NPLOC4: variants seen among roughly 807,000 people sequenced by gnomAD.
The protein encoded by NPLOC4 is NPL4 homolog, ubiquitin recognition factor, also known as nuclear protein localization protein 4 homolog.
In NPLOC4, 18 loss-of-function variants were observed where a neutral mutation model predicts 80.6. The ratio of observed to expected loss-of-function variants is 0.22; its 90% CI spans 0.15 to 0.33. NPLOC4 has a LOEUF of 0.33. Among genes scored for constraint, NPLOC4 ranks in the 10% least tolerant of loss-of-function variants. The probability of loss-of-function intolerance (pLI) is 1.00; values close to 1 mark genes in which losing one functional copy is unlikely to be tolerated. For synonymous variants in NPLOC4, 313 were observed against 301.5 expected, an observed-to-expected ratio of 1.04 and a Z score of -0.39; for missense variants, 540 against 786.1, an observed-to-expected ratio of 0.69 and a Z score of 3.74.
chr17:81,613,359 G>C lies in NPLOC4; in HGVS notation c.345C>G (p.Ser115Arg). The part of the protein sequence containing the change: ...VVEDEIDQYL[S>R]KQDGKIYRSR... Reference sequence around the variant, plus strand: ...TTCTGTAAATCTTCCCGTCCTGTTTGCTGAGGTACTGATCAATCTCATCCT... The same window carrying C: ...TTCTGTAAATCTTCCCGTCCTGTTTCCTGAGGTACTGATCAATCTCATCCT... Residue 115 changes from serine to arginine, a missense_variant, in exon 4 of 17, where the codon AGC (serine) becomes AGG (arginine). By Grantham distance (110) the Ser-to-Arg change is moderately radical (BLOSUM62 -1). Around this residue, in one of 6 missense-constraint regions of NPLOC4, gnomAD observed 74 missense variants for 75.7 expected, o/e 0.98. Coordinates refer to ENST00000331134, the MANE Select transcript of NPLOC4 (RefSeq NM_017921.4). The C allele has an allele frequency of 6.2e-7, 1 of 1,613,934 alleles. No homozygotes were observed. The highest frequency in any genetic ancestry group is 8.5e-7 in the Non-Finnish European group (1 of 1,179,878).
At chr17:81,603,181 G>T (rs1245501823) in intron 8 of NPLOC4, among the ~76,000 whole-genome samples, 1 of 151,882 alleles carries the variant, frequency 6.6e-6, no homozygotes, top group Non-Finnish European at 1.5e-5. Context: ...GTCTCAAAAA[G>T]AAAAAGGTTT....
At chr17:81,636,894 C>T (rs1415515711) in intron 1 of NPLOC4, 22 bp downstream of exon 1, 2 of 1,409,540 alleles carry the variant, frequency 1.4e-6, no homozygotes, top group Non-Finnish European at 9.3e-7. Flanking sequence ...CGTCCCCGCT[C>T]CCGCCCGGCC....
Position 81,559,164 on chromosome 17 carries a change from A to C in NPLOC4, c.*95T>G. 1 of 1,363,706 alleles carries C rather than the reference A, an allele frequency of 7.3e-7. No homozygotes were observed. The highest frequency in any genetic ancestry group is 9.8e-7 in the Non-Finnish European group (1 of 1,019,642). 84.5% of individuals were successfully genotyped at this position (1,363,706 alleles called of 1,614,324 possible). ...GCCCCTTGTTCCTCCAGGGCTGCCC[A>C]CTATGGGGCAGTTACAGGGAACACA... On this transcript the variant is annotated 3_prime_UTR_variant, in exon 17 of 17. Transcript: ENST00000331134.
chr17:81,587,988 A>G (rs1236173882), intron 12 of NPLOC4: 5 of 152,044 alleles, frequency 3.3e-5, no homozygotes, highest in African/African-American at 9.7e-5. Context: ...AAAAGTTAAT[A>G]TAACTGTATC....
intron 16 of NPLOC4, chr17:81,564,335 C>A (rs1689712068): frequency 6.4e-6 from 1 of 156,084 alleles, no homozygotes; most frequent in Non-Finnish European, 1.4e-5. Context: ...GTGTTGCAAG[C>A]CTGTGGTCCC....
chr17:81,598,223 C>T (rs1377080314), intron 9 of NPLOC4, among the ~76,000 whole-genome samples: 1 of 152,054 alleles, frequency 6.6e-6, no homozygotes, highest in Non-Finnish European at 1.5e-5. Context: ...ACAGGTTCCT[C>T]AAGTAAGATG....
At chr17:81,623,293 A>C (rs1439405465) in intron 2 of NPLOC4, among the ~76,000 whole-genome samples, 2 of 145,462 alleles carry the variant, frequency 1.4e-5, no homozygotes, top group Non-Finnish European at 3.0e-5. Context: ...AACATAGTGA[A>C]ACCGTCTCTA....
chr17:81,586,713 G>C (rs1054201606), intron 12 of NPLOC4, among the ~76,000 whole-genome samples: 1 of 152,118 alleles, frequency 6.6e-6, no homozygotes, highest in East Asian at 1.9e-4. Flanking sequence ...TGGACAGACT[G>C]TATCTCCCAG....
At chr17:81,595,544 T>C (rs1341280295) in intron 11 of NPLOC4, among the ~76,000 whole-genome samples, 1 of 144,940 alleles carries the variant, frequency 6.9e-6, no homozygotes, top group Non-Finnish European at 1.5e-5. Flanking sequence ...ATTTTTTTTT[T>C]CTTTTCTTTT....
intron 2 of NPLOC4, among the ~76,000 whole-genome samples, chr17:81,624,022 T>C (rs1284209200): frequency 1.3e-5 from 2 of 151,852 alleles, no homozygotes; most frequent in Non-Finnish European, 2.9e-5. Flanking sequence ...TGGTGGCTCA[T>C]GTCTGCAATC....
At chr17:81,566,181 A>G (rs940090966) in intron 15 of NPLOC4, among the ~76,000 whole-genome samples, 3 of 152,094 alleles carry the variant, frequency 2.0e-5, no homozygotes. Context: ...AAAATACAAC[A>G]ATTAGACAGG....
chr17:81,613,291 G>A, intron 4 of NPLOC4, 27 bp downstream of exon 4: 6 of 1,596,216 alleles, frequency 3.8e-6, no homozygotes, highest in Non-Finnish European at 5.1e-6. Context: ...CCACAAGTAG[G>A]ACCCTGGAAT....
At position 81,569,098 on chromosome 17, in the gene NPLOC4, A is replaced by G; in HGVS notation, c.1367T>C (p.Phe456Ser). 6.2e-7 allele frequency: 1 copy of G among 1,611,582 alleles called. No homozygotes were observed. Among genetic ancestry groups the G allele is most frequent in the Non-Finnish European group, 8.5e-7 (1 of 1,177,782 alleles). ...AAAAGTGTAAACTGGATCCTTGGGG[A>G]AAGTTGTTGTGATCTAATGAAGAAA... ...EYLIIDITTT[F>S]PKDPVYTFSI... is the part of the protein sequence containing the mutation. Residue 456 changes from phenylalanine (F) to serine (S), a missense_variant, in exon 14 of 17, where the codon TTC becomes TCC. Transcript: ENST00000331134.
At chr17:81,606,656 T>C (rs754490211) in intron 7 of NPLOC4, 35 bp downstream of exon 7, 27 of 1,596,814 alleles carry the variant, frequency 1.7e-5, no homozygotes, top group Middle Eastern at 1.7e-4. Flanking sequence ...TTCTCAGCCA[T>C]GAAAACAAAT....
At chr17:81,618,005 TA>T (rs1331977532) in intron 3 of NPLOC4, among the ~76,000 whole-genome samples, 1 of 152,170 alleles carries the variant, frequency 6.6e-6, no homozygotes, top group African/African-American at 2.4e-5. Flanking sequence ...CTCGGCTCGC[TA>T]CAACCTCTAC....
intron 4 of NPLOC4, among the ~76,000 whole-genome samples, chr17:81,612,198 G>A (rs775420152): frequency 1.3e-5 from 2 of 152,104 alleles, no homozygotes; most frequent in Non-Finnish European, 2.9e-5. Context: ...GCTGGTTTAC[G>A]AGGGCGCCGG....
chr17:81,617,253 G>A (rs1427682521), intron 3 of NPLOC4, among the ~76,000 whole-genome samples: 1 of 151,656 alleles, frequency 6.6e-6, no homozygotes, highest in East Asian at 1.9e-4. Flanking sequence ...AGATTTAGGG[G>A]GAAAAAAAAT....
chr17:81,588,350 C>G (rs909816375), intron 12 of NPLOC4, among the ~76,000 whole-genome samples: 2 of 152,214 alleles, frequency 1.3e-5, no homozygotes, highest in African/African-American at 4.8e-5. Context: ...ACATCTCCCA[C>G]GGTCTTCTCA....
Position 81,559,139 on chromosome 17 carries a change from G to A in NPLOC4, c.*120C>T, listed in dbSNP as rs765719786. On this transcript the variant is annotated 3_prime_UTR_variant, in exon 17 of 17. Coordinates refer to ENST00000331134, the MANE Select transcript of NPLOC4 (RefSeq NM_017921.4). ...TGGGTCAGGGAGCCCAGGACAGCCA[G>A]CCCCTTGTTCCTCCAGGGCTGCCCA... The A allele has an allele frequency of 3.4e-6, 4 of 1,175,894 alleles. No individual in the cohort carries two copies. Among genetic ancestry groups the A allele is most frequent in the South Asian group, 1.6e-5 (1 of 61,766 alleles). The allele number at this position is 1,175,894 out of a possible 1,614,324, so 72.8% of individuals were successfully genotyped here. A position where few individuals can be genotyped will look rare whatever the true frequency, so the allele number is the denominator to read the frequency against.
Sources: gnomAD v4.1 joint callset for allele counts (sites outside exome capture counted in the v4.1 genomes callset) on GRCh38, gnomAD v4.1.1 for gene constraint, gnomAD v4.1.1 regional missense constraint, MANE v1.5 for transcripts, NCBI Gene and HGNC (gene_info 2026-07-23, HGNC 2026-07-21) for gene names.